SWI5: variants seen among roughly 807,000 people sequenced by gnomAD.
SWI5 encodes the protein SWI5 homologous recombination repair protein.
In SWI5, 12 loss-of-function variants were observed where a neutral mutation model predicts 17.0. The ratio of observed to expected loss-of-function variants is 0.71; its 90% CI spans 0.45 to 1.14. The LOEUF is 1.14. SWI5 is among the 50% of genes most tolerant of loss of function. The probability of loss-of-function intolerance (pLI) is 0.00; values close to 1 mark genes in which losing one functional copy is unlikely to be tolerated. For synonymous variants in SWI5, 61 were observed against 64.0 expected, an observed-to-expected ratio of 0.95 and a Z score of 0.22; for missense variants, 158 against 162.2, an observed-to-expected ratio of 0.97 and a Z score of 0.14.
At chr9:128,278,800 T>A (rs1831484109) in intron 2 of SWI5, 3 of 402,558 alleles carry the variant, frequency 7.5e-6, no homozygotes, top group Non-Finnish European at 1.5e-5. Flanking sequence ...TGAGACGGAA[T>A]CTTGCTCTGT....
At position 128,276,905 on chromosome 9, in the gene SWI5, C is replaced by T. The variant is rs999662354; in HGVS notation, c.111+150C>T. On this transcript the variant is annotated intron_variant, in intron 2 of 4. Transcript: ENST00000418976. ...CGACTGAGAACCGCCAGGTCATTCC[C>T]GAATCCCTCCCCTTCCTTTCCTCAT... 10 of 789,024 alleles carry T rather than the reference C, an allele frequency of 1.3e-5. No individual in the cohort carries two copies. The Admixed American group carries it at 1.3e-4, about 10-fold the overall frequency. 48.9% of individuals were successfully genotyped at this position (789,024 alleles called of 1,614,324 possible). A position where few individuals can be genotyped will look rare whatever the true frequency, so the allele number is the denominator to read the frequency against.
At chr9:128,276,896 G>C in intron 2 of SWI5, 141 bp downstream of exon 2, 1 of 855,762 alleles carries the variant, frequency 1.2e-6, no homozygotes, top group Non-Finnish European at 1.8e-6. Flanking sequence ...AGAACCGCCA[G>C]GTCATTCCCG....
intron 2 of SWI5, among the ~76,000 whole-genome samples, chr9:128,282,341 T>C (rs1831553430): frequency 6.6e-6 from 1 of 151,992 alleles, no homozygotes; most frequent in African/African-American, 2.4e-5. Flanking sequence ...GAGCTGAGAT[T>C]GTGCCACAGC....
At chr9:128,281,257 C>G (rs1831534421) in intron 2 of SWI5, among the ~76,000 whole-genome samples, 1 of 151,550 alleles carries the variant, frequency 6.6e-6, no homozygotes, top group African/African-American at 2.4e-5. Context: ...AGGCTGGTCT[C>G]GAACTACTGA....
rs1416661127 is a variant in SWI5 at position 128,285,333 on chromosome 9, C to T, written c.234-606C>T. 6.6e-6 allele frequency among the ~76,000 whole-genome samples: 1 copy of T among 152,170 alleles called. No homozygotes were observed. Among genetic ancestry groups the T allele is most frequent in the Non-Finnish European group, 1.5e-5 (1 of 68,026 alleles). On this transcript the variant is annotated intron_variant, in intron 3 of 4. Coordinates refer to ENST00000418976, the Ensembl canonical transcript of SWI5. The surrounding 1 kb of genome is among the most constrained non-coding windows in gnomAD (Gnocchi z 4.8). Reference sequence around the variant, plus strand: ...AAGAAAGAAAGGAAGGACTATGCTTCTGGATTCAGGACATAGCAGCAGCCT... The same window carrying T: ...AAGAAAGAAAGGAAGGACTATGCTTTTGGATTCAGGACATAGCAGCAGCCT...
At chr9:128,276,286 C>A (rs753615564) in exon 1 of SWI5, 2 of 1,612,820 alleles carry the variant, frequency 1.2e-6, no homozygotes, top group Admixed American at 3.3e-5. Context: ...AGTTCACACT[C>A]CGGGTCAGAG....
At position 128,285,947 on chromosome 9, in the gene SWI5, G is replaced by C; in HGVS notation, c.242G>C (p.Ser81Thr). 6.2e-7 allele frequency: 1 copy of C among 1,613,630 alleles called. No homozygotes were observed. Among genetic ancestry groups the C allele is most frequent in the Admixed American group, 1.7e-5 (1 of 60,022 alleles). ...TCCATCGCTTATCCCAGAGGCTACAGTGTGGATGAACTGGAGGACCACATT... is the reference window on the plus strand; with the variant it reads ...TCCATCGCTTATCCCAGAGGCTACACTGTGGATGAACTGGAGGACCACATT... The change falls in exon 4 of 5, where the codon AGT (serine) becomes ACT (threonine). Residue 81 changes from serine to threonine, a missense_variant. Transcript: ENST00000418976. The surrounding 1 kb of genome is among the most constrained non-coding windows in gnomAD (Gnocchi z 4.8).
intron 2 of SWI5, among the ~76,000 whole-genome samples, chr9:128,277,840 G>T (rs373264130): frequency 1.3e-5 from 2 of 152,270 alleles, no homozygotes; most frequent in African/African-American, 4.8e-5. Context: ...CAAAAGCACT[G>T]GGCTGATTGA....
intron 1 of SWI5, 148 bp from the exon 2 acceptor site, chr9:128,276,558 TC>T (rs1287780998): frequency 6.3e-7 from 1 of 1,587,740 alleles, no homozygotes; most frequent in East Asian, 2.2e-5. Context: ...TCTACCCTGA[TC>T]CTGAGAGCGT....
intron 2 of SWI5, among the ~76,000 whole-genome samples, chr9:128,278,292 G>A (rs1031486995): frequency 2.6e-5 from 4 of 151,096 alleles, no homozygotes; most frequent in African/African-American, 4.9e-5. Context: ...CGCTCGACCC[G>A]GCACAGTGAC....
intron 1 of SWI5, 98 bp from the exon 2 acceptor site, chr9:128,276,609 C>G: frequency 1.2e-6 from 2 of 1,611,544 alleles, no homozygotes; most frequent in Non-Finnish European, 1.7e-6. Context: ...CCTGGCGCTC[C>G]TACTTCCCAA....
chr9:128,284,392 T>C (rs907016276), intron 2 of SWI5, 118 bp from the exon 3 acceptor site: 2 of 1,198,234 alleles, frequency 1.7e-6, no homozygotes, highest in East Asian at 2.6e-5. Flanking sequence ...TGCAGTCTTA[T>C]TGAGGGGGTT....
intron 4 of SWI5, among the ~76,000 whole-genome samples, 189 bp from the exon 5 acceptor site, chr9:128,288,463 T>TG (rs1348925413): frequency 6.6e-6 from 1 of 151,972 alleles, no homozygotes; most frequent in East Asian, 1.9e-4. Context: ...GTGGGGCCCG[T>TG]GGGGGACAGC....
At chr9:128,281,761 C>T (rs1298157755) in intron 2 of SWI5, among the ~76,000 whole-genome samples, 2 of 152,262 alleles carry the variant, frequency 1.3e-5, no homozygotes, top group East Asian at 3.9e-4. Context: ...CATAACTTGT[C>T]GGGTGACGAA....
At chr9:128,280,499 T>C (rs1831516150) in intron 2 of SWI5, among the ~76,000 whole-genome samples, 1 of 142,246 alleles carries the variant, frequency 7.0e-6, no homozygotes, top group Admixed American at 6.9e-5. Context: ...CATGGTTGCA[T>C]CTGTTCTTTT....
At chr9:128,276,384 G>A (rs756652422) in exon 1 of SWI5, 13 of 1,612,896 alleles carry the variant, frequency 8.1e-6, no homozygotes, top group Non-Finnish European at 9.3e-6. Context: ...CGGGGGCCTC[G>A]GACCCCAGGG....
intron 4 of SWI5, among the ~76,000 whole-genome samples, chr9:128,287,427 T>C (rs1231419740): frequency 7.2e-6 from 1 of 139,788 alleles, no homozygotes; most frequent in Non-Finnish European, 1.5e-5. Flanking sequence ...TACTCCAGCC[T>C]GGGCGACAGA....
intron 2 of SWI5, among the ~76,000 whole-genome samples, chr9:128,279,035 G>T (rs1018488718): frequency 6.6e-6 from 1 of 152,176 alleles, no homozygotes; most frequent in Non-Finnish European, 1.5e-5. Context: ...CTCCCAAAGT[G>T]CTGGGATTAC....
chr9:128,284,066 G>C (rs151243058), intron 2 of SWI5, among the ~76,000 whole-genome samples: 13 of 151,948 alleles, frequency 8.6e-5, no homozygotes, highest in African/African-American at 2.9e-4. Flanking sequence ...GGGAGACCGA[G>C]GTGGGCAGAT....
Sources: allele counts gnomAD v4.1 joint callset (sites outside exome capture counted in the v4.1 genomes callset), GRCh38; gene constraint gnomAD v4.1.1; non-coding constraint Gnocchi (gnomAD v3.1); transcripts MANE v1.5; gene names NCBI Gene and HGNC (gene_info 2026-07-23, HGNC 2026-07-21).